The following KCNG1 variants were observed in gnomAD, a reference collection of about 807,000 sequenced individuals.
KCNG1 encodes the protein potassium voltage-gated channel modifier subfamily G member 1.
Under a neutral mutation model 32.4 loss-of-function variants are expected in KCNG1, and 17 were observed. The observed-to-expected ratio is 0.52, with a 90% CI of 0.36 to 0.79. KCNG1 has a LOEUF of 0.79. Among genes scored for constraint, KCNG1 ranks in the 30% least tolerant of loss-of-function variants. The probability of loss-of-function intolerance (pLI) is 0.00; values close to 1 mark genes in which losing one functional copy is unlikely to be tolerated. For missense variants in KCNG1, 441 were observed against 735.2 expected, an observed-to-expected ratio of 0.60 and a Z score of 4.63; for synonymous variants, 358 against 339.9, an observed-to-expected ratio of 1.05 and a Z score of -0.59.
chr20:51,004,167 G>A lies in KCNG1; in HGVS notation c.1414C>T (p.Gln472Ter). ...TFSRSYLELK[Q>*]EQERVMFRRA... ...CGGAACATCACCCTCTCTTGCTCCTGCTTGAGCTCCAGGTAGGAGCGGGAG... is the reference window on the plus strand; with the variant it reads ...CGGAACATCACCCTCTCTTGCTCCTACTTGAGCTCCAGGTAGGAGCGGGAG... Residue 472 changes from glutamine (Q) to a stop codon, truncating the protein, a stop_gained, in exon 3 of 3, where the codon CAG becomes TAG. Transcript: ENST00000371571. LOFTEE classifies it high-confidence loss of function. This position sits in a 1 kb window ranked among gnomAD's most constrained non-coding sequence, Gnocchi z 4.3. The A allele has an allele frequency of 6.2e-7, 1 of 1,614,176 alleles. No homozygotes were observed. The highest frequency in any genetic ancestry group is 1.1e-5 in the South Asian group (1 of 91,082).
intron 1 of KCNG1, chr20:51,013,664 G>C (rs1374330078): frequency 6.6e-6 from 1 of 152,128 alleles, no homozygotes; most frequent in African/African-American, 2.4e-5. Flanking sequence ...TGGAAAACTA[G>C]GGTACACCTG....
chr20:51,008,428 C>G (rs1987923333), intron 2 of KCNG1, among the ~76,000 whole-genome samples: 1 of 152,170 alleles, frequency 6.6e-6, no homozygotes, highest in Admixed American at 6.5e-5. Flanking sequence ...CTCCCAGGCT[C>G]AAGCAATCCT....
chr20:51,020,572 T>G (rs1468709664), intron 1 of KCNG1, among the ~76,000 whole-genome samples: 1 of 152,216 alleles, frequency 6.6e-6, no homozygotes, highest in African/African-American at 2.4e-5. Flanking sequence ...CGCCTCTCCC[T>G]TTTTATTAAT....
intron 1 of KCNG1, among the ~76,000 whole-genome samples, chr20:51,017,199 G>A (rs1166361111): frequency 1.3e-5 from 2 of 152,196 alleles, no homozygotes; most frequent in Non-Finnish European, 1.5e-5. Flanking sequence ...AGTCTTCGTA[G>A]AGGCAGATTA....
In KCNG1 at chr20:51,003,913, G is replaced by T; in HGVS notation, c.*126C>A. 1 of 1,017,838 alleles carries T rather than the reference G, an allele frequency of 9.8e-7. No homozygotes were observed. The highest frequency in any genetic ancestry group is 1.4e-6 in the Non-Finnish European group (1 of 702,200). 63.1% of individuals were successfully genotyped at this position (1,017,838 alleles called of 1,614,324 possible). A position where few individuals can be genotyped will look rare whatever the true frequency, so the allele number is the denominator to read the frequency against. ...TGGGAGTGAGGGTGTCCTTCCCCGG[G>T]TGCGTGGGAGTCGGTGCTGCGCCAG... On this transcript the variant is annotated 3_prime_UTR_variant, in exon 3 of 3. Coordinates refer to ENST00000371571, the MANE Select transcript of KCNG1 (RefSeq NM_002237.4).
intron 1 of KCNG1, among the ~76,000 whole-genome samples, chr20:51,014,851 A>G (rs191729212): frequency 1.3e-5 from 2 of 152,284 alleles, no homozygotes; most frequent in East Asian, 1.9e-4. Context: ...CATGGGGTTG[A>G]GCCGCATGGA....
intron 1 of KCNG1, among the ~76,000 whole-genome samples, chr20:51,018,673 G>C (rs963744626): frequency 1.3e-5 from 2 of 152,192 alleles, no homozygotes; most frequent in African/African-American, 4.8e-5. Flanking sequence ...CATTGCCTGA[G>C]TCTCCATCCT....
chr20:51,014,227 G>C, intron 1 of KCNG1: 1 of 152,186 alleles, frequency 6.6e-6, no homozygotes, highest in Admixed American at 6.5e-5. Flanking sequence ...GGAAGAACAG[G>C]CATATTTCTC....
In KCNG1 at chr20:51,009,850, G is replaced by C; in HGVS notation, c.489C>G (p.Gly163=). The C allele has an allele frequency of 1.2e-6, 2 of 1,613,406 alleles. No homozygotes were observed. Among genetic ancestry groups the C allele is most frequent in the South Asian group, 1.1e-5 (1 of 91,092 alleles). The stretch of plus-strand genomic sequence containing the variant: ...TCTGCAGGTAGCGGCGCTTGCAGCA[G>C]CCGTCCAGGTGGTCCTCCGCGATGC... ...YWGIAEDHLD[G]CCKRRYLQKI... is the part of the protein sequence containing the mutation. The change falls in exon 2 of 3, where the codon GGC becomes GGG. Residue 163 remains glycine (G), a synonymous_variant. Coordinates refer to ENST00000371571, the MANE Select transcript of KCNG1 (RefSeq NM_002237.4).
chr20:51,014,676 A>G (rs1416537261), intron 1 of KCNG1, among the ~76,000 whole-genome samples: 14 of 152,232 alleles, frequency 9.2e-5, no homozygotes, highest in Non-Finnish European at 4.4e-5. Flanking sequence ...CACGGAGGTG[A>G]CCTTCTGGTG....
Position 51,009,558 on chromosome 20 carries a change from C to G in KCNG1, c.774+7G>C. ...GGCGCGTTTCCCCGCGGGGCGTGGGCTCTTACCTGCTCCTCCTCCTCCCTC... is the reference window on the plus strand; with the variant it reads ...GGCGCGTTTCCCCGCGGGGCGTGGGGTCTTACCTGCTCCTCCTCCTCCCTC... On this transcript the variant is annotated splice_region_variant and intron_variant, in intron 2 of 2. Transcript: ENST00000371571. 1 of 1,592,704 alleles carries G rather than the reference C, an allele frequency of 6.3e-7. No individual in the cohort carries two copies. The highest frequency in any genetic ancestry group is 8.5e-7 in the Non-Finnish European group (1 of 1,171,280).
chr20:51,004,007 G>GATGGCAGGC lies in KCNG1; in HGVS notation c.*23_*31dup. 6.3e-7 allele frequency: 1 copy of GATGGCAGGC among 1,596,826 alleles called. No individual in the cohort carries two copies. The highest frequency in any genetic ancestry group is 8.5e-7 in the Non-Finnish European group (1 of 1,169,646). On this transcript the variant is annotated 3_prime_UTR_variant, in exon 3 of 3. Coordinates refer to ENST00000371571, the MANE Select transcript of KCNG1 (RefSeq NM_002237.4). The surrounding 1 kb of genome is among the most constrained non-coding windows in gnomAD (Gnocchi z 4.3). ...TGGATGGCAATGGCTTCGGGCCACA[G>GATGGCAGGC]ATGGCAGGCAGGGCAGGCGTGTCCT...
intron 1 of KCNG1, among the ~76,000 whole-genome samples, chr20:51,021,213 C>A (rs1284114114): frequency 6.6e-6 from 1 of 152,258 alleles, no homozygotes; most frequent in African/African-American, 2.4e-5. Flanking sequence ...ACATCTTTCC[C>A]GTGGAACGGG....
chr20:51,007,625 A>G (rs1987885126), intron 2 of KCNG1, among the ~76,000 whole-genome samples: 1 of 152,218 alleles, frequency 6.6e-6, no homozygotes, highest in Admixed American at 6.5e-5. Context: ...AAGTGGAAAG[A>G]TCCTGACACG....
intron 1 of KCNG1, chr20:51,014,084 GA>G (rs1228234376): frequency 6.6e-6 from 1 of 152,164 alleles, no homozygotes; most frequent in Non-Finnish European, 1.5e-5. Flanking sequence ...TTCCTGTGTG[GA>G]AAGTGATCCT....
rs1440374802 is a variant in KCNG1, at chr20:51,010,353, T to C, written c.-15A>G. The C allele has an allele frequency of 1.3e-6, 2 of 1,501,898 alleles. No homozygotes were observed. Among genetic ancestry groups the C allele is most frequent in the Admixed American group, 2.3e-5 (1 of 44,044 alleles). 93.0% of individuals were successfully genotyped at this position (1,501,898 alleles called of 1,614,324 possible). A position where few individuals can be genotyped will look rare whatever the true frequency, so the allele number is the denominator to read the frequency against. On this transcript the variant is annotated 5_prime_UTR_variant, in exon 2 of 3. It removes an upstream start codon present in the reference 5' UTR. Transcript: ENST00000371571. ...AAGAGGGTCATTTTGGGCCTTCACA[T>C]CCCTCTCGGGCCTGTGGGGAGAAGG... is the stretch of plus-strand genomic sequence containing the variant.
intron 1 of KCNG1, among the ~76,000 whole-genome samples, chr20:51,012,179 C>T (rs6096225): frequency 0.49 from 73,889 of 152,078 alleles, 19,113 homozygotes; most frequent in African/African-American, 0.69. Flanking sequence ...AAGCAATGGA[C>T]AAAGAAATGC....
At chr20:51,016,074 G>A (rs996745882) in intron 1 of KCNG1, among the ~76,000 whole-genome samples, 1 of 152,210 alleles carries the variant, frequency 6.6e-6, no homozygotes, top group Non-Finnish European at 1.5e-5. Context: ...CTCCAGACCT[G>A]TAAGATAATA....
intron 1 of KCNG1, among the ~76,000 whole-genome samples, chr20:51,017,976 A>T (rs778773185): frequency 6.6e-6 from 1 of 152,242 alleles, no homozygotes; most frequent in African/African-American, 2.4e-5. Flanking sequence ...CAATTTTTCT[A>T]TCTTTCCTTT....
Sources: gnomAD v4.1 joint callset for allele counts (sites outside exome capture counted in the v4.1 genomes callset) on GRCh38, gnomAD v4.1.1 for gene constraint, Gnocchi (gnomAD v3.1) non-coding constraint, MANE v1.5 for transcripts, NCBI Gene and HGNC (gene_info 2026-07-23, HGNC 2026-07-21) for gene names.